Variants in CDK19 observed in about 807,000 individuals in gnomAD.
CDK19 encodes the protein cyclin-dependent kinase 19.
In CDK19, 20 loss-of-function variants were observed where a neutral mutation model predicts 68.3. That is an observed-to-expected ratio of 0.29 (90% CI 0.21 to 0.43). The LOEUF (loss-of-function observed/expected upper bound fraction) is 0.43, where lower values mean the gene tolerates loss of function less well. CDK19 is among the 20% of genes least tolerant of loss of function. The pLI is 1.00. For missense variants in CDK19, 339 were observed against 623.5 expected, an observed-to-expected ratio of 0.54 and a Z score of 4.86; for synonymous variants, 221 against 222.8, an observed-to-expected ratio of 0.99 and a Z score of 0.07.
chr6:110,793,910 G>A (rs1333337531), intron 1 of CDK19, among the ~76,000 whole-genome samples: 1 of 152,180 alleles, frequency 6.6e-6, no homozygotes, highest in Non-Finnish European at 1.5e-5. Context: ...AGCCCAGCAT[G>A]CCCCATCTCT....
At chr6:110,725,654 C>T (rs1472779865) in intron 2 of CDK19, among the ~76,000 whole-genome samples, 2 of 152,158 alleles carry the variant, frequency 1.3e-5, no homozygotes, top group Non-Finnish European at 2.9e-5. Context: ...GGGCATTGCA[C>T]TAACAGTCTC....
At position 110,621,376 on chromosome 6, in the gene CDK19, A is replaced by G; in HGVS notation, c.1111-6T>C. 1 of 1,527,442 alleles carries G rather than the reference A, an allele frequency of 6.5e-7. No individual in the cohort carries two copies. Among genetic ancestry groups the G allele is most frequent in the Non-Finnish European group, 8.8e-7 (1 of 1,139,836 alleles). The allele number at this position is 1,527,442 out of a possible 1,614,324, so 94.6% of individuals were successfully genotyped here. ...TTCTGCTGCTGTTGCTGATTCTTTTAAGGGGAAAAAAGCAAGCTTGGTATG... is the reference window on the plus strand; with the variant it reads ...TTCTGCTGCTGTTGCTGATTCTTTTGAGGGGAAAAAAGCAAGCTTGGTATG... On this transcript the variant is annotated splice_region_variant and splice_polypyrimidine_tract_variant and intron_variant, in intron 11 of 12. Transcript: ENST00000368911. This position sits in a 1 kb window ranked among gnomAD's most constrained non-coding sequence, Gnocchi z 5.4.
At chr6:110,754,163 G>A (rs1377901921) in intron 1 of CDK19, among the ~76,000 whole-genome samples, 2 of 151,640 alleles carry the variant, frequency 1.3e-5, no homozygotes, top group Non-Finnish European at 2.9e-5. Context: ...CCAAGTAGCT[G>A]GGATTACAGG....
chr6:110,764,419 T>C (rs1242602900), intron 1 of CDK19, among the ~76,000 whole-genome samples: 1 of 152,120 alleles, frequency 6.6e-6, no homozygotes, highest in Non-Finnish European at 1.5e-5. Context: ...AATAGATCAA[T>C]GGAACAGAAT....
At chr6:110,710,908 T>G (rs1307285618) in intron 2 of CDK19, among the ~76,000 whole-genome samples, 1 of 152,216 alleles carries the variant, frequency 6.6e-6, no homozygotes, top group Non-Finnish European at 1.5e-5. Flanking sequence ...CTGCATTAGA[T>G]TCTTATATTG....
chr6:110,792,573 A>G (rs1037541751), intron 1 of CDK19, among the ~76,000 whole-genome samples: 3 of 152,202 alleles, frequency 2.0e-5, no homozygotes, highest in Non-Finnish European at 4.4e-5. Flanking sequence ...ACGCCCGGCT[A>G]ATTTTGGTAT....
intron 2 of CDK19, among the ~76,000 whole-genome samples, chr6:110,734,520 G>GCTCTCTCTCTCTCTCCCTCTCTCTCT (rs1777055472): frequency 1.7e-4 from 15 of 85,734 alleles, no homozygotes; most frequent in Non-Finnish European, 2.8e-4. Flanking sequence ...GGTGAGCACT[G>GCTCTCTCTCTCTCTCCCTCTCTCTCT]CTCTCTCTCT....
Position 110,706,404 on chromosome 6 carries a change from G to GTTTTTTTTTTTTTTTTTTTTT in CDK19, c.205-35864_205-35863insAAAAAAAAAAAAAAAAAAAAA, listed in dbSNP as rs774904075. 4 of 71,064 alleles carry GTTTTTTTTTTTTTTTTTTTTT rather than the reference G, an allele frequency of 5.6e-5. 2 individuals are homozygous for GTTTTTTTTTTTTTTTTTTTTT. The highest frequency in any genetic ancestry group is 5.2e-5 in the Non-Finnish European group (2 of 38,606). The allele number at this position is 71,064 out of a possible 1,614,324, so 4.4% of individuals were successfully genotyped here. On this transcript the variant is annotated intron_variant, in intron 2 of 12. Transcript: ENST00000368911. ...CAACAGCATGCTGGGTAACACTGTT[G>GTTTTTTTTTTTTTTTTTTTTT]TTTTTTTTTTGTTTGTTTTTTTTTT...
intron 4 of CDK19, among the ~76,000 whole-genome samples, chr6:110,645,448 A>G (rs1231931488): frequency 6.6e-6 from 1 of 152,244 alleles, no homozygotes; most frequent in African/African-American, 2.4e-5. Context: ...TAAATATGTT[A>G]GGAAGAGAAA....
At chr6:110,651,182 T>A (rs1316061619) in intron 4 of CDK19, among the ~76,000 whole-genome samples, 1 of 152,192 alleles carries the variant, frequency 6.6e-6, no homozygotes, top group Non-Finnish European at 1.5e-5. Context: ...CATCACTTGT[T>A]ATATTATCTT....
At chr6:110,723,441 T>C (rs1174925160) in intron 2 of CDK19, among the ~76,000 whole-genome samples, 1 of 152,150 alleles carries the variant, frequency 6.6e-6, no homozygotes, top group Non-Finnish European at 1.5e-5. Context: ...TAATAAAAAG[T>C]GTTTCATGCC....
chr6:110,760,498 C>T (rs769208146), intron 1 of CDK19, among the ~76,000 whole-genome samples: 20 of 148,412 alleles, frequency 1.3e-4, no homozygotes, highest in Admixed American at 1.2e-3. Flanking sequence ...GAGGCTGAGG[C>T]GGGAGGATTA....
At chr6:110,811,891 T>G (rs1414073469) in intron 1 of CDK19, among the ~76,000 whole-genome samples, 1 of 151,736 alleles carries the variant, frequency 6.6e-6, no homozygotes, top group Non-Finnish European at 1.5e-5. Flanking sequence ...ATTTTTTTTT[T>G]TTTTTAAAGT....
intron 2 of CDK19, among the ~76,000 whole-genome samples, chr6:110,692,292 CAAA>C (rs752992540): frequency 1.2e-5 from 1 of 83,430 alleles, no homozygotes; most frequent in Non-Finnish European, 2.5e-5. Context: ...GACTCCGTCT[CAAA>C]AAAAAAAAAA....
chr6:110,712,079 G>A (rs1178138209), intron 2 of CDK19, among the ~76,000 whole-genome samples: 1 of 152,168 alleles, frequency 6.6e-6, no homozygotes, highest in Non-Finnish European at 1.5e-5. Context: ...AATGCTCTAG[G>A]ACAGTGTCTC....
chr6:110,616,917 G>A (rs932220515), intron 12 of CDK19, among the ~76,000 whole-genome samples: 4 of 152,026 alleles, frequency 2.6e-5, no homozygotes, highest in Admixed American at 2.6e-4. Context: ...GGGTTTTTTA[G>A]ACAGAAAATA....
Position 110,614,485 on chromosome 6 carries a change from T to G in CDK19, c.*50A>C, listed in dbSNP as rs750445033. ...TTGGTTCTTTTCAATGCAGACATAT[T>G]GCTGGAGCCTGTGCTCTGGGCTGGG... On this transcript the variant is annotated 3_prime_UTR_variant, in exon 13 of 13. Transcript: ENST00000368911. The G allele has an allele frequency of 9.5e-6, 15 of 1,583,014 alleles. No homozygotes were observed. Among genetic ancestry groups the G allele is most frequent in the African/African-American group, 1.4e-5 (1 of 73,632 alleles).
intron 1 of CDK19, among the ~76,000 whole-genome samples, chr6:110,752,889 TTGAC>T (rs1778570543): frequency 6.6e-6 from 1 of 151,896 alleles, no homozygotes; most frequent in African/African-American, 2.4e-5. Flanking sequence ...TACAAACTGA[TTGAC>T]TAGTTATCTC....
chr6:110,699,106 T>TA (rs1330196186), intron 2 of CDK19, among the ~76,000 whole-genome samples: 2 of 146,752 alleles, frequency 1.4e-5, no homozygotes, highest in Admixed American at 6.8e-5. Flanking sequence ...TACTCAGTCA[T>TA]AAAAAAGAAT....
Sources: allele counts gnomAD v4.1 joint callset (sites outside exome capture counted in the v4.1 genomes callset), GRCh38; gene constraint gnomAD v4.1.1; non-coding constraint Gnocchi (gnomAD v3.1); transcripts MANE v1.5; gene names NCBI Gene and HGNC (gene_info 2026-07-23, HGNC 2026-07-21).